Variants in PTPRD observed in about 807,000 individuals in gnomAD.
PTPRD encodes protein tyrosine phosphatase receptor type D.
Under a neutral mutation model 214.5 loss-of-function variants are expected in PTPRD, and 34 were observed. That is an observed-to-expected ratio of 0.16 (90% CI 0.12 to 0.21). PTPRD has a LOEUF of 0.21. Among genes scored for constraint, PTPRD ranks in the 10% least tolerant of loss-of-function variants. The pLI is 1.00. For missense variants in PTPRD, 2,545 were observed against 2,398.7 expected (o/e 1.06, Z -1.27); for synonymous variants, 1,128 against 845.7 (o/e 1.33, Z -5.79).
intron 5 of PTPRD, among the ~76,000 whole-genome samples, chr9:9,868,670 A>G (rs2064639756): frequency 6.6e-6 from 1 of 151,830 alleles, no homozygotes; most frequent in Non-Finnish European, 1.5e-5. Context: ...AGTTTCAAGC[A>G]GGGTATTATG....
At chr9:10,437,170 G>C (rs1167307184) in intron 2 of PTPRD, among the ~76,000 whole-genome samples, 1 of 151,686 alleles carries the variant, frequency 6.6e-6, no homozygotes, top group Non-Finnish European at 1.5e-5. Context: ...TGATCCTCAT[G>C]AGACTATATG....
chr9:9,371,340 G>C (rs2059440003), intron 9 of PTPRD, among the ~76,000 whole-genome samples: 1 of 152,056 alleles, frequency 6.6e-6, no homozygotes, highest in Non-Finnish European at 1.5e-5. Flanking sequence ...TTTAGCGTTG[G>C]GAGGTTGTAT....
chr9:9,263,060 AG>A (rs1172161238), intron 9 of PTPRD, among the ~76,000 whole-genome samples: 3 of 151,674 alleles, frequency 2.0e-5, no homozygotes, highest in Non-Finnish European at 4.4e-5. Context: ...GCTAATCCTC[AG>A]GGTAAAAAAA....
intron 4 of PTPRD, among the ~76,000 whole-genome samples, chr9:9,986,104 G>C (rs2095701341): frequency 6.6e-6 from 1 of 152,084 alleles, no homozygotes; most frequent in South Asian, 2.1e-4. Flanking sequence ...AATTTACAAA[G>C]AATGATTATT....
chr9:9,169,693 A>G (rs1204388692), intron 10 of PTPRD, among the ~76,000 whole-genome samples: 1 of 152,154 alleles, frequency 6.6e-6, no homozygotes, highest in Non-Finnish European at 1.5e-5. Flanking sequence ...TTGGAAAACA[A>G]AGATTTACTA....
At position 8,528,552 on chromosome 9, in the gene PTPRD, AT is replaced by A. The variant is rs774992518; in HGVS notation, c.541+38del. 207 of 1,524,810 alleles carry A rather than the reference AT, an allele frequency of 1.4e-4. 2 individuals carry two copies. The South Asian group carries it at 1.5e-3, about 11-fold the overall frequency. 94.5% of individuals were successfully genotyped at this position (1,524,810 alleles called of 1,614,324 possible). On this transcript the variant is annotated intron_variant, in intron 15 of 45. Coordinates refer to ENST00000381196, the MANE Select transcript of PTPRD (RefSeq NM_002839.4). The stretch of plus-strand genomic sequence containing the variant: ...GGAGAGAGAAAAATTAAAAAAAAAA[AT>A]TCTCTAGGAGTTAGTAGAAACAGTA...
intron 5 of PTPRD, among the ~76,000 whole-genome samples, chr9:9,925,373 T>G (rs1187941302): frequency 6.6e-6 from 1 of 152,100 alleles, no homozygotes; most frequent in East Asian, 1.9e-4. Context: ...AGGTAATATG[T>G]CATCTCTAAC....
chr9:10,412,030 CT>C (rs1432778763), intron 2 of PTPRD, among the ~76,000 whole-genome samples: 1 of 151,706 alleles, frequency 6.6e-6, no homozygotes, highest in African/African-American at 2.4e-5. Flanking sequence ...AATTTCATAA[CT>C]TTTTTGATGT....
intron 9 of PTPRD, among the ~76,000 whole-genome samples, chr9:9,307,559 C>G (rs1957522021): frequency 6.6e-6 from 1 of 152,102 alleles, no homozygotes; most frequent in South Asian, 2.1e-4. Flanking sequence ...AATCTCATGT[C>G]TTTGCCTTTT....
chr9:9,321,921 A>T (rs1356061714), intron 9 of PTPRD, among the ~76,000 whole-genome samples: 1 of 152,200 alleles, frequency 6.6e-6, no homozygotes, highest in African/African-American at 2.4e-5. Context: ...TGATTGAGGT[A>T]CTTTATCGCT....
intron 4 of PTPRD, among the ~76,000 whole-genome samples, chr9:10,026,661 G>A (rs139093358): frequency 1.2e-4 from 19 of 152,102 alleles, no homozygotes; most frequent in African/African-American, 4.3e-4. Context: ...AGCACTGTCA[G>A]TAATTGTAAA....
intron 7 of PTPRD, among the ~76,000 whole-genome samples, chr9:9,632,374 G>T (rs1174213009): frequency 6.6e-6 from 1 of 151,734 alleles, no homozygotes; most frequent in African/African-American, 2.4e-5. Flanking sequence ...AATCTTTAAA[G>T]TAGAAAGAAG....
At chr9:9,884,856 G>A (rs1038351944) in intron 5 of PTPRD, among the ~76,000 whole-genome samples, 5 of 152,076 alleles carry the variant, frequency 3.3e-5, no homozygotes, top group African/African-American at 9.7e-5. Context: ...ATTCTGCCAC[G>A]ATTGTAAGTT....
intron 8 of PTPRD, among the ~76,000 whole-genome samples, chr9:9,401,364 G>A (rs1478178392): frequency 6.6e-6 from 1 of 151,826 alleles, no homozygotes; most frequent in Non-Finnish European, 1.5e-5. Context: ...AGATTTCTCT[G>A]TCCTTTGGCA....
chr9:8,458,409 A>G (rs936149948), intron 33 of PTPRD, among the ~76,000 whole-genome samples: 1 of 152,168 alleles, frequency 6.6e-6, no homozygotes, highest in Non-Finnish European at 1.5e-5. Context: ...AATAAAACAT[A>G]ACTTAAAAAT....
chr9:8,508,305 A>G (rs1010672287), intron 21 of PTPRD, among the ~76,000 whole-genome samples: 1 of 152,246 alleles, frequency 6.6e-6, no homozygotes, highest in Non-Finnish European at 1.5e-5. Flanking sequence ...CAAATGAACT[A>G]GAATAATTAG....
chr9:9,339,067 C>T (rs1013742364), intron 9 of PTPRD, among the ~76,000 whole-genome samples: 9 of 152,274 alleles, frequency 5.9e-5, no homozygotes, highest in Middle Eastern at 3.4e-3. Flanking sequence ...ACACTTTAAT[C>T]TTGTCAGTTG....
chr9:8,589,111 G>C (rs1430418564), intron 14 of PTPRD, among the ~76,000 whole-genome samples: 3 of 152,150 alleles, frequency 2.0e-5, no homozygotes, highest in South Asian at 2.1e-4. Flanking sequence ...ACATTATTCA[G>C]AATTTCTAGC....
chr9:9,715,923 T>C (rs556289556), intron 7 of PTPRD, among the ~76,000 whole-genome samples: 13 of 152,308 alleles, frequency 8.5e-5, no homozygotes, highest in Admixed American at 5.2e-4. Flanking sequence ...TACGTATGTA[T>C]ACATGTGCCA....
Sources: allele counts gnomAD v4.1 joint callset (sites outside exome capture counted in the v4.1 genomes callset), GRCh38; gene constraint gnomAD v4.1.1; transcripts MANE v1.5; gene names NCBI Gene and HGNC (gene_info 2026-07-23, HGNC 2026-07-21).